ASTN2: variants seen among roughly 807,000 people sequenced by gnomAD.
The protein encoded by ASTN2 is astrotactin-2.
A neutral mutation model predicts 139.8 loss-of-function variants in ASTN2; 54 were observed. The ratio of observed to expected loss-of-function variants is 0.39; its 90% CI spans 0.31 to 0.48. The LOEUF is 0.48. ASTN2 is among the 20% of genes least tolerant of loss of function. The pLI, the probability that ASTN2 is intolerant of heterozygous loss-of-function variation, is 0.95. For synonymous variants in ASTN2, 756 were observed against 719.5 expected, an observed-to-expected ratio of 1.05 and a Z score of -0.81; for missense variants, 1,565 against 1,725.1, an observed-to-expected ratio of 0.91 and a Z score of 1.64.
At position 117,262,030 on chromosome 9, in the gene ASTN2, T is replaced by G. The variant is rs563359132; in HGVS notation, c.630+29296A>C. ...TATTTCAATTCTCTTTCTTTCTTTT[T>G]ATCAGCATTATCCTAATGGCCTCTA... is the stretch of plus-strand genomic sequence containing the variant. On this transcript the variant is annotated intron_variant, in intron 2 of 22. Coordinates refer to ENST00000313400, the MANE Select transcript of ASTN2 (RefSeq NM_001365068.1). Among the ~76,000 whole-genome samples, 95 of 152,344 alleles carry G rather than the reference T, an allele frequency of 6.2e-4. 1 individual carries two copies. The highest frequency in any genetic ancestry group is 2.1e-3 in the African/African-American group (89 of 41,578).
rs752860146 is a variant in ASTN2, at chr9:116,699,390, T to C, written c.2806+26381A>G. On this transcript the variant is annotated intron_variant, in intron 16 of 22. Transcript: ENST00000313400. The surrounding 1 kb of genome is among the most constrained non-coding windows in gnomAD (Gnocchi z 4.2). ...GAATGAGCACCACCTGGAGGGTGGC[T>C]TTTCCATTGGCTCTGTAGGCCCTGA... The C allele has an allele frequency of 3.1e-5, 50 of 1,614,032 alleles. No homozygotes were observed. Among genetic ancestry groups the C allele is most frequent in the Non-Finnish European group, 4.2e-5 (50 of 1,180,024 alleles).
chr9:116,772,460 C>A (rs1829977626), intron 13 of ASTN2, among the ~76,000 whole-genome samples: 1 of 152,190 alleles, frequency 6.6e-6, no homozygotes, highest in Non-Finnish European at 1.5e-5. Context: ...CATTAAACCT[C>A]TTTTTCTGTA....
At chr9:117,395,473 T>C (rs1231408017) in intron 1 of ASTN2, among the ~76,000 whole-genome samples, 3 of 152,210 alleles carry the variant, frequency 2.0e-5, no homozygotes, top group African/African-American at 4.8e-5. Flanking sequence ...CAGGAACTCT[T>C]GGCAGCCCGC....
intron 1 of ASTN2, among the ~76,000 whole-genome samples, chr9:117,308,635 G>T (rs1017741494): frequency 6.6e-6 from 1 of 152,108 alleles, no homozygotes; most frequent in Non-Finnish European, 1.5e-5. Flanking sequence ...AAGGAACAGG[G>T]ACCTGGATAA....
At chr9:117,018,174 C>A (rs7034757) in intron 6 of ASTN2, among the ~76,000 whole-genome samples, 7,996 of 152,090 alleles carry the variant, frequency 0.053, 520 homozygotes, top group African/African-American at 0.16. Flanking sequence ...GGTGCAATAC[C>A]TTTGGAATGA....
At chr9:116,494,383 G>C (rs554185565) in intron 19 of ASTN2, among the ~76,000 whole-genome samples, 1 of 152,158 alleles carries the variant, frequency 6.6e-6, no homozygotes, top group Admixed American at 6.5e-5. Flanking sequence ...AAATGTTAGT[G>C]CCCCCCTCAC....
chr9:117,350,936 G>A (rs1338850328), intron 1 of ASTN2, among the ~76,000 whole-genome samples: 1 of 152,174 alleles, frequency 6.6e-6, no homozygotes, highest in Non-Finnish European at 1.5e-5. Flanking sequence ...CATCCTAGGG[G>A]ACCCTGCTTT....
intron 13 of ASTN2, among the ~76,000 whole-genome samples, chr9:116,747,353 C>A (rs898301366): frequency 6.6e-6 from 1 of 152,008 alleles, no homozygotes; most frequent in Non-Finnish European, 1.5e-5. Context: ...TTAATTTTTC[C>A]CCAAATGAAA....
At chr9:116,502,328 G>C (rs887440165) in intron 19 of ASTN2, among the ~76,000 whole-genome samples, 5 of 151,648 alleles carry the variant, frequency 3.3e-5, no homozygotes, top group Admixed American at 6.6e-5. Context: ...CACACAGAGA[G>C]AGGAGAGAGA....
At chr9:117,150,131 T>C (rs968133661) in intron 3 of ASTN2, among the ~76,000 whole-genome samples, 1 of 152,190 alleles carries the variant, frequency 6.6e-6, no homozygotes, top group South Asian at 2.1e-4. Context: ...TTCTCTGTTC[T>C]GTTAAAAACA....
chr9:117,372,810 T>C (rs1830022828), intron 1 of ASTN2, among the ~76,000 whole-genome samples: 1 of 152,140 alleles, frequency 6.6e-6, no homozygotes, highest in South Asian at 2.1e-4. Context: ...TGGTGTTGGC[T>C]GCAGGGAGGA....
At chr9:116,993,876 A>ATATATATATATATATATT (rs1030120382) in intron 7 of ASTN2, among the ~76,000 whole-genome samples, 18 of 142,050 alleles carry the variant, frequency 1.3e-4, no homozygotes, top group East Asian at 8.1e-4. Flanking sequence ...ATATATATAT[A>ATATATATATATATATATT]TTTTAACTAT....
chr9:117,066,631 A>G (rs1325389554), intron 5 of ASTN2, among the ~76,000 whole-genome samples: 2 of 151,656 alleles, frequency 1.3e-5, no homozygotes. Flanking sequence ...TTACAGTACC[A>G]CCAACAGTAT....
chr9:117,093,450 G>A (rs1828756723), intron 5 of ASTN2, among the ~76,000 whole-genome samples: 1 of 152,118 alleles, frequency 6.6e-6, no homozygotes, highest in Admixed American at 6.5e-5. Context: ...CAGTAAGTGG[G>A]GGGGCTGGGA....
intron 19 of ASTN2, among the ~76,000 whole-genome samples, chr9:116,599,124 C>T (rs182049335): frequency 9.9e-5 from 15 of 152,266 alleles, no homozygotes; most frequent in African/African-American, 1.7e-4. Flanking sequence ...GGGATTAAGA[C>T]GACCTAGAGT....
At chr9:117,044,919 G>A (rs10983474) in intron 5 of ASTN2, among the ~76,000 whole-genome samples, 20,188 of 152,154 alleles carry the variant, frequency 0.13, 1,843 homozygotes, top group East Asian at 0.49. Flanking sequence ...GAGAGTAGAA[G>A]TGTAGAGCAA....
chr9:117,165,327 G>A (rs770181770), intron 3 of ASTN2, among the ~76,000 whole-genome samples: 4 of 152,104 alleles, frequency 2.6e-5, no homozygotes, highest in Non-Finnish European at 4.4e-5. Flanking sequence ...CTGCCTTACA[G>A]AAGAGCAAAT....
At chr9:116,595,604 C>A (rs552749852) in intron 19 of ASTN2, among the ~76,000 whole-genome samples, 1 of 152,142 alleles carries the variant, frequency 6.6e-6, no homozygotes, top group Non-Finnish European at 1.5e-5. Context: ...GGATTATAGG[C>A]GTGAGCCACC....
At chr9:117,105,766 C>T (rs1269292455) in intron 4 of ASTN2, among the ~76,000 whole-genome samples, 1 of 152,200 alleles carries the variant, frequency 6.6e-6, no homozygotes, top group East Asian at 1.9e-4. Flanking sequence ...GGTCCTAGGT[C>T]TGTCCTGTTC....
Sources: allele counts gnomAD v4.1 joint callset (sites outside exome capture counted in the v4.1 genomes callset), GRCh38; gene constraint gnomAD v4.1.1; non-coding constraint Gnocchi (gnomAD v3.1); transcripts MANE v1.5; gene names NCBI Gene and HGNC (gene_info 2026-07-23, HGNC 2026-07-21).